The following CNTNAP2 variants were observed in gnomAD, a reference collection of about 807,000 sequenced individuals.
CNTNAP2 encodes contactin associated protein 2.
CNTNAP2 carries 98 observed loss-of-function variants against 155.2 expected under a neutral mutation model. The observed-to-expected ratio is 0.63, with a 90% CI of 0.54 to 0.75. The LOEUF (loss-of-function observed/expected upper bound fraction) is 0.75. Ranked by LOEUF, CNTNAP2 falls within the 30% of genes least tolerant of loss-of-function variation. The pLI is 0.00. For missense variants in CNTNAP2, 1,727 were observed against 1,688.1 expected, an observed-to-expected ratio of 1.02 and a Z score of -0.40; for synonymous variants, 651 against 631.2, an observed-to-expected ratio of 1.03 and a Z score of -0.47.
At chr7:146,919,685 G>A (rs767719515) in intron 3 of CNTNAP2, among the ~76,000 whole-genome samples, 16 of 152,192 alleles carry the variant, frequency 1.1e-4, no homozygotes, top group Non-Finnish European at 1.9e-4. Flanking sequence ...GAGGTGGCAC[G>A]TTCAAGAGCA....
intron 1 of CNTNAP2, among the ~76,000 whole-genome samples, chr7:146,133,396 G>C (rs62504789): frequency 0.17 from 25,806 of 151,966 alleles, 2,727 homozygotes; most frequent in East Asian, 0.28. Context: ...TTCTTTTGCT[G>C]TGCAGAAGCT....
chr7:148,314,828 G>C (rs956176412), intron 21 of CNTNAP2, among the ~76,000 whole-genome samples: 2 of 152,324 alleles, frequency 1.3e-5, no homozygotes, highest in East Asian at 3.9e-4. Flanking sequence ...AATCAGGCAG[G>C]CGTCCCCATG....
At chr7:148,371,951 G>A (rs1022435125) in intron 21 of CNTNAP2, among the ~76,000 whole-genome samples, 2 of 152,046 alleles carry the variant, frequency 1.3e-5, no homozygotes, top group East Asian at 1.9e-4. Context: ...CTGTAATCCC[G>A]GCACTTTGGG....
At chr7:146,492,144 T>C (rs1325696736) in intron 1 of CNTNAP2, among the ~76,000 whole-genome samples, 1 of 151,308 alleles carries the variant, frequency 6.6e-6, no homozygotes, top group East Asian at 2.0e-4. Flanking sequence ...TTTTCATCCT[T>C]GTGCACACAA....
intron 10 of CNTNAP2, among the ~76,000 whole-genome samples, chr7:147,399,095 A>G (rs201636869): frequency 0.027 from 4,169 of 152,152 alleles, 189 homozygotes; most frequent in African/African-American, 0.095. Context: ...ACAGGCAACG[A>G]AAGAGGCACT....
In CNTNAP2 at chr7:146,598,733, C is replaced by T. The variant is rs1339908721; in HGVS notation, c.98-175538C>T. On this transcript the variant is annotated intron_variant, in intron 1 of 23. Transcript: ENST00000361727. ...CTCAGATTTTCTTTCTCAAACTTCT[C>T]TATGTAAATCACTCTTTAGGTGATC... is the stretch of plus-strand genomic sequence containing the variant. Among the ~76,000 whole-genome samples the T allele has an allele frequency of 3.3e-5, 5 of 152,152 alleles. 1 individual carries two copies. The South Asian group carries it at 8.3e-4, about 25-fold the overall frequency.
chr7:148,411,317 G>T (rs547999885), intron 23 of CNTNAP2, among the ~76,000 whole-genome samples: 4 of 152,310 alleles, frequency 2.6e-5, no homozygotes, highest in African/African-American at 4.8e-5. Flanking sequence ...CCAGGCTGGA[G>T]TGCAGTGGCG....
chr7:147,627,500 A>C (rs10235502), intron 12 of CNTNAP2, among the ~76,000 whole-genome samples: 3,063 of 152,100 alleles, frequency 0.02, 104 homozygotes, highest in African/African-American at 0.07. Context: ...GTTCAAGACC[A>C]GCCTGGCCAA....
chr7:147,689,883 T>C (rs144436900), intron 13 of CNTNAP2, among the ~76,000 whole-genome samples: 2,499 of 152,238 alleles, frequency 0.016, 222 homozygotes, highest in Admixed American at 0.15. Flanking sequence ...CGATGACTTG[T>C]CCCCATCCCT....
rs1034695870 is a variant in CNTNAP2 at position 148,380,005 on chromosome 7, G to A, written c.3476-3644G>A. 7.9e-5 allele frequency among the ~76,000 whole-genome samples: 12 copies of A among 152,288 alleles called. No individual in the cohort carries two copies. The South Asian group carries it at 8.3e-4, about 11-fold the overall frequency. On this transcript the variant is annotated intron_variant, in intron 21 of 23. Transcript: ENST00000361727. ...ACTGTCATGAGCATTTCATTTTAAC[G>A]TATTACCCGGAATTGTGTCAGTGTT...
chr7:146,303,593 T>C lies in CNTNAP2; in HGVS notation c.97+186620T>C, dbSNP rs540595301. Among the ~76,000 whole-genome samples the C allele has an allele frequency of 8.5e-5, 13 of 152,286 alleles. No individual in the cohort carries two copies. The South Asian group carries it at 2.5e-3, about 29-fold the overall frequency. ...GTTGAGCAGTTTTGAGTGAGTTTCT[T>C]AATCCTGAGTTCTAGTTTGATTGCA... On this transcript the variant is annotated intron_variant, in intron 1 of 23. Transcript: ENST00000361727.
chr7:147,297,785 C>A lies in CNTNAP2; in HGVS notation c.1349-2356C>A, dbSNP rs558060933. ...AGTGCAAAGAGTGAAATCAGAGGAA[C>A]AATTGGGGGGTAATGAAATACTCTG... On this transcript the variant is annotated intron_variant, in intron 8 of 23. Transcript: ENST00000361727. 6.2e-3 allele frequency among the ~76,000 whole-genome samples: 895 copies of A among 145,300 alleles called. 7 individuals carry two copies. The highest frequency in any genetic ancestry group is 0.012 in the Admixed American group (169 of 14,086).
intron 17 of CNTNAP2, among the ~76,000 whole-genome samples, chr7:148,161,081 A>AT (rs1397009941): frequency 1.3e-5 from 2 of 152,118 alleles, no homozygotes; most frequent in African/African-American, 4.8e-5. Context: ...GGATATCTTT[A>AT]TTTTGACAGT....
At chr7:147,295,464 T>A (rs1584853008) in intron 8 of CNTNAP2, among the ~76,000 whole-genome samples, 1 of 152,172 alleles carries the variant, frequency 6.6e-6, no homozygotes, top group East Asian at 1.9e-4. Flanking sequence ...TGCTTACAGA[T>A]TGGTAGACTC....
chr7:146,188,147 A>T (rs958624396), intron 1 of CNTNAP2, among the ~76,000 whole-genome samples: 2 of 152,168 alleles, frequency 1.3e-5, no homozygotes, highest in Non-Finnish European at 2.9e-5. Flanking sequence ...TGAAGAAAAA[A>T]CAATCCATAT....
At chr7:147,451,880 G>A (rs1445702042) in intron 10 of CNTNAP2, among the ~76,000 whole-genome samples, 1 of 152,080 alleles carries the variant, frequency 6.6e-6, no homozygotes. Flanking sequence ...GGTAGGATAT[G>A]TGCTATGACA....
At chr7:148,073,218 C>T (rs1046398512) in intron 15 of CNTNAP2, among the ~76,000 whole-genome samples, 2 of 152,068 alleles carry the variant, frequency 1.3e-5, no homozygotes, top group Non-Finnish European at 2.9e-5. Context: ...TGGTAGGCTG[C>T]GTAGTATAAG....
Position 146,774,329 on chromosome 7 carries a change from C to T in CNTNAP2, c.156C>T (p.Ser52=). Reference sequence around the variant, plus strand: ...CCCATGTGGCTTTCAGCAGCTCCTCCTCCATCTCTGGTAGCTATTCTCCCG... The same window carrying T: ...CCCATGTGGCTTTCAGCAGCTCCTCTTCCATCTCTGGTAGCTATTCTCCCG... ...GLPHVAFSSS[S]SISGSYSPGY... is the part of the protein sequence containing the mutation. The change falls in exon 2 of 24, where the codon TCC becomes TCT. Residue 52 remains serine (S), a synonymous_variant. Coordinates refer to ENST00000361727, the MANE Select transcript of CNTNAP2 (RefSeq NM_014141.6). The T allele has an allele frequency of 6.2e-7, 1 of 1,614,030 alleles. No individual in the cohort carries two copies.
chr7:146,975,415 A>G (rs555314882), intron 3 of CNTNAP2, among the ~76,000 whole-genome samples: 87 of 152,326 alleles, frequency 5.7e-4, no homozygotes, highest in Non-Finnish European at 2.4e-4. Context: ...AAGTGAGCCA[A>G]GATCATGCCA....
Sources: gnomAD v4.1 joint callset for allele counts (sites outside exome capture counted in the v4.1 genomes callset) on GRCh38, gnomAD v4.1.1 for gene constraint, MANE v1.5 for transcripts, NCBI Gene and HGNC (gene_info 2026-07-23, HGNC 2026-07-21) for gene names.